Variants in GFOD2 observed in about 807,000 individuals in gnomAD.
GFOD2 encodes glucose-fructose oxidoreductase domain-containing protein 2.
A neutral mutation model predicts 24.6 loss-of-function variants in GFOD2; 9 were observed. The observed-to-expected ratio is 0.37, with a 90% CI of 0.22 to 0.64. The LOEUF (loss-of-function observed/expected upper bound fraction) is 0.64, where lower values mean the gene tolerates loss of function less well. Among genes scored for constraint, GFOD2 ranks in the 30% least tolerant of loss-of-function variants. GFOD2 has a pLI of 0.65. For synonymous variants in GFOD2, 211 were observed against 224.8 expected (o/e 0.94, Z 0.55); for missense variants, 476 against 532.5 (o/e 0.89, Z 1.04).
At chr16:67,680,048 A>T (rs1299496553) in intron 2 of GFOD2, among the ~76,000 whole-genome samples, 1 of 152,342 alleles carries the variant, frequency 6.6e-6, no homozygotes, top group East Asian at 1.9e-4. Flanking sequence ...GATGAGTGAC[A>T]GCACGCCCAG....
chr16:67,681,303 A>G, intron 2 of GFOD2: 1 of 985,452 alleles, frequency 1.0e-6, no homozygotes, highest in Non-Finnish European at 1.2e-6. Context: ...TTAGAGGAAA[A>G]AGGACTTTTA....
At chr16:67,709,304 A>G (rs938489390) in intron 1 of GFOD2, among the ~76,000 whole-genome samples, 3 of 151,880 alleles carry the variant, frequency 2.0e-5, no homozygotes, top group African/African-American at 7.3e-5. Flanking sequence ...CCTATCTCAA[A>G]AGAAAAAAAA....
intron 1 of GFOD2, among the ~76,000 whole-genome samples, chr16:67,692,296 C>G (rs1460779077): frequency 6.8e-6 from 1 of 147,622 alleles, no homozygotes; most frequent in African/African-American, 2.6e-5. Context: ...AAAATACACA[C>G]ACAGGCTGAG....
At chr16:67,696,755 G>C (rs918704932) in intron 1 of GFOD2, among the ~76,000 whole-genome samples, 3 of 152,222 alleles carry the variant, frequency 2.0e-5, no homozygotes, top group African/African-American at 7.2e-5. Context: ...TTATAGGCGT[G>C]AGCCACTGCG....
chr16:67,679,742 C>G (rs1207998684), intron 2 of GFOD2, among the ~76,000 whole-genome samples: 1 of 151,816 alleles, frequency 6.6e-6, no homozygotes, highest in African/African-American at 2.4e-5. Flanking sequence ...CAAGAATTAG[C>G]TGGGCGGGGT....
In GFOD2 at chr16:67,675,517, C is replaced by A. The variant is rs1007416455; in HGVS notation, c.796G>T (p.Asp266Tyr). ...SAGRLVARGA[D>Y]LYGQKNSATQ... is the part of the protein sequence containing the mutation. ...GCAGAGTTCTTCTGCCCATAGAGGT[C>A]GGCTCCCCGGGCGACGAGGCGTCCT... The change falls in exon 3 of 3, where the codon GAC becomes TAC. Residue 266 changes from aspartate to tyrosine, a missense_variant. Physicochemically the swap from Asp to Tyr is radical, Grantham distance 160. Coordinates refer to ENST00000268797, the MANE Select transcript of GFOD2 (RefSeq NM_030819.4). 2 of 1,612,428 alleles carry A rather than the reference C, an allele frequency of 1.2e-6. No homozygotes were observed. Among genetic ancestry groups the A allele is most frequent in the Non-Finnish European group, 8.5e-7 (1 of 1,179,988 alleles).
chr16:67,694,855 G>A (rs542930582), intron 1 of GFOD2, among the ~76,000 whole-genome samples: 12 of 152,252 alleles, frequency 7.9e-5, no homozygotes, highest in South Asian at 2.1e-4. Context: ...CTCTGTGACT[G>A]TGAAGCTTGG....
chr16:67,676,285 G>A (rs1414351540), intron 2 of GFOD2: 9 of 518,580 alleles, frequency 1.7e-5, no homozygotes, highest in East Asian at 3.3e-5. Context: ...GTACCACCAC[G>A]CCTGGCTAAT....
chr16:67,687,471 T>A (rs1360718805), intron 1 of GFOD2, among the ~76,000 whole-genome samples: 1 of 151,192 alleles, frequency 6.6e-6, no homozygotes, highest in Non-Finnish European at 1.5e-5. Flanking sequence ...AAACCCTGTC[T>A]CTACTAAAAA....
chr16:67,675,164 G>C lies in GFOD2; in HGVS notation c.1149C>G (p.Asn383Lys). 8 of 1,611,848 alleles carry C rather than the reference G, an allele frequency of 5.0e-6. No homozygotes were observed. Among genetic ancestry groups the C allele is most frequent in the Non-Finnish European group, 5.9e-6 (7 of 1,178,706 alleles). Reference sequence around the variant, plus strand: ...GAGCCCAGGTGCAGGCTCATAGGTTGTTCCGCTGAAGTGCCTCACACAGGT... The same window carrying C: ...GAGCCCAGGTGCAGGCTCATAGGTTCTTCCGCTGAAGTGCCTCACACAGGT... ...NQNLCEALQR[N>K]NL is the part of the protein sequence containing the mutation. The change falls in exon 3 of 3, where the codon AAC (asparagine) becomes AAG (lysine). Residue 383 changes from asparagine to lysine, a missense_variant. Physicochemically the swap from Asn to Lys is moderately conservative, Grantham distance 94 (BLOSUM62 0). Transcript: ENST00000268797.
At chr16:67,715,835 C>CAA (rs780303741) in intron 1 of GFOD2, among the ~76,000 whole-genome samples, 22 of 124,658 alleles carry the variant, frequency 1.8e-4, no homozygotes, top group African/African-American at 2.6e-4. Flanking sequence ...CCCATCTCTA[C>CAA]AAAAAAAAAA....
chr16:67,692,228 T>TAAAAAAAAAAA (rs58414730), intron 1 of GFOD2, among the ~76,000 whole-genome samples: 1 of 109,364 alleles, frequency 9.1e-6, no homozygotes, highest in African/African-American at 3.3e-5. Context: ...ATGAACTTGG[T>TAAAAAAAAAAA]AAAAAAAAAA....
intron 1 of GFOD2, among the ~76,000 whole-genome samples, chr16:67,698,298 G>A (rs922343465): frequency 6.6e-6 from 1 of 152,134 alleles, no homozygotes; most frequent in African/African-American, 2.4e-5. Context: ...CACCTAGGGT[G>A]GGGACACTAC....
intron 1 of GFOD2, among the ~76,000 whole-genome samples, chr16:67,710,442 G>A (rs1052845651): frequency 2.0e-5 from 3 of 151,632 alleles, no homozygotes; most frequent in Admixed American, 1.3e-4. Context: ...TCAGCTCACC[G>A]CAAGCTCCGC....
chr16:67,715,735 T>C (rs999833856), intron 1 of GFOD2, among the ~76,000 whole-genome samples: 4 of 152,082 alleles, frequency 2.6e-5, no homozygotes, highest in Non-Finnish European at 5.9e-5. Flanking sequence ...TTCTCAAAAA[T>C]AGCAAAATCT....
At chr16:67,708,355 T>C (rs917884589) in intron 1 of GFOD2, among the ~76,000 whole-genome samples, 1 of 152,190 alleles carries the variant, frequency 6.6e-6, no homozygotes, top group Non-Finnish European at 1.5e-5. Context: ...GCCAAGAGAA[T>C]AAGTTTTCTG....
chr16:67,711,762 T>C (rs561240675), intron 1 of GFOD2, among the ~76,000 whole-genome samples: 3 of 152,340 alleles, frequency 2.0e-5, no homozygotes, highest in African/African-American at 4.8e-5. Context: ...GTTAAAACCT[T>C]GGAGTTATCC....
chr16:67,675,792 C>T lies in GFOD2; in HGVS notation c.521G>A (p.Gly174Asp), dbSNP rs781488321. The T allele has an allele frequency of 5.0e-6, 8 of 1,614,110 alleles. No individual in the cohort carries two copies. The South Asian group carries it at 7.7e-5, about 16-fold the overall frequency. Residue 174 changes from glycine (G) to aspartate (D), a missense_variant, in exon 3 of 3, where the codon GGC (glycine) becomes GAC (aspartate). Transcript: ENST00000268797. The part of the protein sequence containing the change: ...WICDELMGGG[G>D]LHTMGTYIVD... ...AATGTAGGTCCCCATGGTGTGCAAG[C>T]CCCCGCCGCCCATGAGCTCATCACA...
At chr16:67,685,047 A>G in intron 2 of GFOD2, 1 of 1,118,324 alleles carries the variant, frequency 8.9e-7, no homozygotes. Flanking sequence ...AACATGGGAA[A>G]TGGTAGCCTT....
Sources: allele counts gnomAD v4.1 joint callset (sites outside exome capture counted in the v4.1 genomes callset), GRCh38; gene constraint gnomAD v4.1.1; transcripts MANE v1.5; gene names NCBI Gene and HGNC (gene_info 2026-07-23, HGNC 2026-07-21).